The following FAAH2 variants were observed in gnomAD, a reference collection of about 807,000 sequenced individuals.
FAAH2 encodes the protein fatty acid amide hydrolase 2.
A neutral mutation model predicts 36.9 loss-of-function variants in FAAH2; 60 were observed. That is an observed-to-expected ratio of 1.63 (90% CI 1.32 to 2.02). FAAH2 has a LOEUF of 2.02. FAAH2 is among the 30% of genes most tolerant of loss of function. FAAH2 has a pLI of 0.00. For synonymous variants in FAAH2, 214 were observed against 143.8 expected, an observed-to-expected ratio of 1.49 and a Z score of -3.49; for missense variants, 689 against 397.5, an observed-to-expected ratio of 1.73 and a Z score of -6.23.
intron 7 of FAAH2, among the ~76,000 whole-genome samples, chrX:57,402,233 G>A (rs1233375548): frequency 3.6e-5 from 4 of 112,127 alleles, no homozygotes; most frequent in African/African-American, 9.7e-5. Flanking sequence ...GGGCCTTCCC[G>A]TGATTCCCTT....
chrX:57,347,966 A>G (rs926004277), intron 5 of FAAH2, among the ~76,000 whole-genome samples: 1 of 110,734 alleles, frequency 9.0e-6, no homozygotes, highest in African/African-American at 3.3e-5. Context: ...CATAGTAGTT[A>G]TCTGTGGTTT....
the FAAH2 span, among the ~76,000 whole-genome samples, chrX:57,221,406 C>T: frequency 9.9e-5 from 11 of 111,120 alleles, no homozygotes; most frequent in Non-Finnish European, 2.1e-4. Flanking sequence ...CAGGACACCA[C>T]ACCCCTGTCC....
At chrX:57,127,586 T>G in the FAAH2 span, among the ~76,000 whole-genome samples, 10 of 112,145 alleles carry the variant, frequency 8.9e-5, no homozygotes, top group Non-Finnish European at 1.9e-4. Context: ...AATCACTTAT[T>G]TTTTAAATGT....
At chrX:57,417,102 C>T (rs756885321) in intron 7 of FAAH2, among the ~76,000 whole-genome samples, 6 of 111,719 alleles carry the variant, frequency 5.4e-5, no homozygotes, top group Admixed American at 9.5e-5. Context: ...TCTTCTCTAA[C>T]CTGGTTATTC....
the FAAH2 span, among the ~76,000 whole-genome samples, chrX:57,206,018 C>A: frequency 2.7e-5 from 3 of 112,049 alleles, no homozygotes; most frequent in African/African-American, 6.5e-5. Flanking sequence ...CAAGATCTTG[C>A]TCTTGAACAA....
chrX:57,385,298 CAT>C (rs2054989318), intron 7 of FAAH2, among the ~76,000 whole-genome samples: 1 of 103,146 alleles, frequency 9.7e-6, no homozygotes, highest in Non-Finnish European at 2.0e-5. Context: ...AAAAAAAAGA[CAT>C]GTAAAACTAG....
At chrX:57,429,331 T>G (rs1191336023) in intron 7 of FAAH2, among the ~76,000 whole-genome samples, 1 of 88,196 alleles carries the variant, frequency 1.1e-5, no homozygotes, top group Non-Finnish European at 2.3e-5. Flanking sequence ...AGAGTGAGAT[T>G]CCATCTCAAA....
At chrX:57,139,753 C>G in the FAAH2 span, among the ~76,000 whole-genome samples, 6 of 111,741 alleles carry the variant, frequency 5.4e-5, no homozygotes, top group Non-Finnish European at 9.4e-5. Flanking sequence ...CACGCCTGTC[C>G]CCATAGGTTT....
At chrX:57,450,679 G>T (rs1221317724) in intron 10 of FAAH2, among the ~76,000 whole-genome samples, 1 of 110,596 alleles carries the variant, frequency 9.0e-6, no homozygotes, top group Non-Finnish European at 1.9e-5. Flanking sequence ...TTTTATGTTT[G>T]TCTCCTACTT....
At chrX:57,485,974 G>A (rs1281286070) in intron 10 of FAAH2, among the ~76,000 whole-genome samples, 1 of 111,571 alleles carries the variant, frequency 9.0e-6, no homozygotes, top group Non-Finnish European at 1.9e-5. Flanking sequence ...CTCTAGCTGG[G>A]GTGAGCTGCT....
chrX:57,135,943 C>G, the FAAH2 span: 18 of 1,207,545 alleles, frequency 1.5e-5, no homozygotes, highest in Admixed American at 2.2e-5. Context: ...GAGCCATCTT[C>G]TTTGGTATAT....
the FAAH2 span, among the ~76,000 whole-genome samples, chrX:57,155,971 A>C: frequency 8.9e-6 from 1 of 112,229 alleles, no homozygotes; most frequent in Non-Finnish European, 1.9e-5. Context: ...GTATGTGTTC[A>C]GGGGTACATG....
chrX:57,488,953 ATG>A lies in FAAH2; in HGVS notation c.*33_*34del, dbSNP rs774677428. On this transcript the variant is annotated 3_prime_UTR_variant, in exon 11 of 11. Transcript: ENST00000374900. Reference sequence around the variant, plus strand: ...TTTAGGAGGACCTTCTGCAAGGTTAATGTGTGTGTGTGTTTGTGTTCGTGTGG... The same window carrying A: ...TTTAGGAGGACCTTCTGCAAGGTTAATGTGTGTGTGTTTGTGTTCGTGTGG... 32 of 1,195,463 alleles carry A rather than the reference ATG, an allele frequency of 2.7e-5. No homozygotes were observed. The highest frequency in any genetic ancestry group is 6.8e-5 in the Admixed American group (3 of 44,351).
chrX:57,412,162 A>G (rs1481870160), intron 7 of FAAH2, among the ~76,000 whole-genome samples: 1 of 112,038 alleles, frequency 8.9e-6, no homozygotes, highest in Non-Finnish European at 1.9e-5. Context: ...TACATTGTTG[A>G]TAACTATAGT....
At chrX:57,131,751 A>T in the FAAH2 span, among the ~76,000 whole-genome samples, 5 of 112,447 alleles carry the variant, frequency 4.4e-5, no homozygotes, top group African/African-American at 1.6e-4. Flanking sequence ...AATATTACAG[A>T]TATGCTTGAA....
At chrX:57,403,057 G>A (rs921771913) in intron 7 of FAAH2, among the ~76,000 whole-genome samples, 2 of 111,707 alleles carry the variant, frequency 1.8e-5, no homozygotes, top group South Asian at 7.6e-4. Context: ...AGCCATCAGG[G>A]TTATCTGAGA....
intron 5 of FAAH2, among the ~76,000 whole-genome samples, chrX:57,368,707 C>T (rs2054479389): frequency 9.0e-6 from 1 of 110,956 alleles, no homozygotes; most frequent in Non-Finnish European, 1.9e-5. Flanking sequence ...CCCTAGGAAA[C>T]ATCAGCAGGT....
intron 5 of FAAH2, among the ~76,000 whole-genome samples, chrX:57,376,515 C>T (rs1258843383): frequency 9.0e-6 from 1 of 111,469 alleles, no homozygotes; most frequent in Non-Finnish European, 1.9e-5. Context: ...TGATAGCTCG[C>T]TGAGAATGAT....
chrX:57,473,242 C>T (rs1242073901), intron 10 of FAAH2, among the ~76,000 whole-genome samples: 1 of 111,147 alleles, frequency 9.0e-6, no homozygotes, highest in Non-Finnish European at 1.9e-5. Flanking sequence ...TTTTTATACA[C>T]TTCAATTTTT....
Sources: gnomAD v4.1 joint callset for allele counts (sites outside exome capture counted in the v4.1 genomes callset) on GRCh38, gnomAD v4.1.1 for gene constraint, MANE v1.5 for transcripts, NCBI Gene and HGNC (gene_info 2026-07-23, HGNC 2026-07-21) for gene names.